LONRF1: variants seen among roughly 807,000 people sequenced by gnomAD.
The protein encoded by LONRF1 is LON peptidase N-terminal domain and RING finger protein 1.
Under a neutral mutation model 85.8 loss-of-function variants are expected in LONRF1, and 37 were observed. The ratio of observed to expected loss-of-function variants is 0.43; its 90% CI spans 0.33 to 0.57. The LOEUF is 0.57. Among genes scored for constraint, LONRF1 ranks in the 20% least tolerant of loss-of-function variants. The pLI is 0.04. For missense variants in LONRF1, 1,036 were observed against 978.0 expected (o/e 1.06, Z -0.79); for synonymous variants, 517 against 390.1 (o/e 1.33, Z -3.83).
Position 12,755,410 on chromosome 8 carries a change from G to C in LONRF1, c.11C>G (p.Pro4Arg). 2 of 1,158,710 alleles carry C rather than the reference G, an allele frequency of 1.7e-6. No homozygotes were observed. The highest frequency in any genetic ancestry group is 2.1e-6 in the Non-Finnish European group (2 of 941,510). The allele number at this position is 1,158,710 out of a possible 1,614,324, so 71.8% of individuals were successfully genotyped here. A position where few individuals can be genotyped will look rare whatever the true frequency, so the allele number is the denominator to read the frequency against. The change falls in exon 1 of 12, where the codon CCG becomes CGG. Residue 4 changes from proline (P) to arginine (R), a missense_variant. Transcript: ENST00000398246. MSS[P>R]AVARTSPGGS... ...TCCTGGGGAGGTCCTCGCCACCGCC[G>C]GAGAGGACATGGCCCGCGGAGGGCT...
rs747870534 is a variant in LONRF1, at chr8:12,743,249, G to A, written c.755C>T (p.Ala252Val). Residue 252 changes from alanine (A) to valine (V), a missense_variant, in exon 2 of 12, where the codon GCG becomes GTG. By Grantham distance (64) the Ala-to-Val change is moderately conservative. Transcript: ENST00000398246. Reference protein sequence around the residue: ...PSDLIVKIYRAESYAGLQEFK... With the variant: ...PSDLIVKIYRVESYAGLQEFK... ...CTCTTGGAGACCAGCATATGATTCC[G>A]CTCTGTAAATTTTTACAATCAAGTC... is the stretch of plus-strand genomic sequence containing the variant. 2.5e-6 allele frequency: 4 copies of A among 1,610,894 alleles called. No homozygotes were observed. Among genetic ancestry groups the A allele is most frequent in the African/African-American group, 1.3e-5 (1 of 74,906 alleles).
intron 6 of LONRF1, chr8:12,735,754 A>T (rs1441268769): frequency 6.0e-6 from 1 of 168,006 alleles, no homozygotes; most frequent in Non-Finnish European, 1.3e-5. Flanking sequence ...ACTTTCTGCA[A>T]AATAAATAAT....
At chr8:12,740,417 C>T (rs530391683) in intron 3 of LONRF1, among the ~76,000 whole-genome samples, 2 of 152,184 alleles carry the variant, frequency 1.3e-5, no homozygotes, top group East Asian at 1.9e-4. Flanking sequence ...ATTACTAACA[C>T]ACCACAAATA....
At chr8:12,735,679 C>T (rs1798691359) in intron 6 of LONRF1, 2 of 298,860 alleles carry the variant, frequency 6.7e-6, no homozygotes, top group Non-Finnish European at 1.2e-5. Context: ...CTACTAATCA[C>T]TTGAAATGTG....
chr8:12,737,879 TA>T, intron 4 of LONRF1, 115 bp downstream of exon 4: 1 of 1,031,926 alleles, frequency 9.7e-7, no homozygotes, highest in Non-Finnish European at 1.4e-6. Context: ...CTATGATAAC[TA>T]ACCAGGTTAA....
intron 1 of LONRF1, among the ~76,000 whole-genome samples, chr8:12,750,313 G>A (rs1018576771): frequency 6.6e-6 from 1 of 152,206 alleles, no homozygotes; most frequent in South Asian, 2.1e-4. Flanking sequence ...AAATAAGTTA[G>A]CAAGAGCCTC....
intron 2 of LONRF1, among the ~76,000 whole-genome samples, chr8:12,742,097 C>T (rs369013183): frequency 1.2e-4 from 19 of 152,212 alleles, no homozygotes; most frequent in African/African-American, 3.9e-4. Flanking sequence ...TACATCACTT[C>T]TGTGGCAAAT....
chr8:12,755,376 C>A lies in LONRF1; in HGVS notation c.45G>T (p.Arg15=), dbSNP rs1799602265. Residue 15 remains arginine, a synonymous_variant, in exon 1 of 12, where the codon CGG becomes CGT. Coordinates refer to ENST00000398246, the MANE Select transcript of LONRF1 (RefSeq NM_152271.5). Reference sequence around the variant, plus strand: ...GGCCCTGCGGCGCTGGGGCCATCTCCCGACTCCCTCCTGGGGAGGTCCTCG... The same window carrying A: ...GGCCCTGCGGCGCTGGGGCCATCTCACGACTCCCTCCTGGGGAGGTCCTCG... ...AVARTSPGGS[R]EMAPAPQGRG... 3.3e-6 allele frequency: 4 copies of A among 1,202,632 alleles called. No individual in the cohort carries two copies. The highest frequency in any genetic ancestry group is 4.1e-6 in the Non-Finnish European group (4 of 968,024). 74.5% of individuals were successfully genotyped at this position (1,202,632 alleles called of 1,614,324 possible). A position where few individuals can be genotyped will look rare whatever the true frequency, so the allele number is the denominator to read the frequency against.
At chr8:12,753,072 T>C (rs1027191067) in intron 1 of LONRF1, 4 of 152,228 alleles carry the variant, frequency 2.6e-5, no homozygotes, top group African/African-American at 9.6e-5. Flanking sequence ...CAGTTTCTCT[T>C]CTCTTTATTC....
chr8:12,726,476 G>C (rs1320416562), intron 10 of LONRF1, among the ~76,000 whole-genome samples: 1 of 152,290 alleles, frequency 6.6e-6, no homozygotes, highest in Non-Finnish European at 1.5e-5. Context: ...CAAGGCCCAA[G>C]GCTATGGCTA....
At chr8:12,740,354 T>A (rs1216443725) in intron 3 of LONRF1, among the ~76,000 whole-genome samples, 1 of 152,150 alleles carries the variant, frequency 6.6e-6, no homozygotes, top group Non-Finnish European at 1.5e-5. Context: ...CTTCCCAAAG[T>A]CACTTCATCA....
intron 4 of LONRF1, among the ~76,000 whole-genome samples, chr8:12,737,577 A>C (rs1208318865): frequency 6.6e-6 from 1 of 152,110 alleles, no homozygotes; most frequent in Admixed American, 6.6e-5. Context: ...GGACTTGAGC[A>C]TCCTTGGATT....
intron 8 of LONRF1, among the ~76,000 whole-genome samples, chr8:12,730,144 T>C (rs1007705115): frequency 1.3e-5 from 2 of 152,206 alleles, no homozygotes; most frequent in Non-Finnish European, 2.9e-5. Context: ...AAGAGGAGAC[T>C]AGTAAGATCA....
intron 1 of LONRF1, chr8:12,754,078 G>A (rs1266786746): frequency 2.0e-5 from 3 of 152,178 alleles, no homozygotes; most frequent in Admixed American, 6.5e-5. Flanking sequence ...GCCTCCCGGG[G>A]CCGGGCGCCC....
In LONRF1 at chr8:12,754,726, G is replaced by C. The variant is rs1478612647; in HGVS notation, c.695C>G (p.Ala232Gly). 25 of 1,413,106 alleles carry C rather than the reference G, an allele frequency of 1.8e-5. No individual in the cohort carries two copies. Among genetic ancestry groups the C allele is most frequent in the Non-Finnish European group, 6.4e-6 (7 of 1,092,822 alleles). 87.5% of individuals were successfully genotyped at this position (1,413,106 alleles called of 1,614,324 possible). Residue 232 changes from alanine to glycine, a missense_variant, in exon 1 of 12, where the codon GCC becomes GGC. Ala to Gly is a moderately conservative substitution (Grantham distance 60). Around this residue, in one of 3 missense-constraint regions of LONRF1, gnomAD observed 742 missense variants for 614.4 expected, o/e 1.21. Coordinates refer to ENST00000398246, the MANE Select transcript of LONRF1 (RefSeq NM_152271.5). ...LHQGRYREAL[A>G]AACEALRAEP... ...TGCTCGCAGCGCCTCGCAGGCGGCG[G>C]CCAGGGCCTCCCGGTAGCGCCCCTG...
At chr8:12,724,901 G>T (rs1044202521) in intron 11 of LONRF1, among the ~76,000 whole-genome samples, 1 of 152,172 alleles carries the variant, frequency 6.6e-6, no homozygotes, top group African/African-American at 2.4e-5. Context: ...GACAAATGTA[G>T]ACCAACCCTT....
In LONRF1 at chr8:12,722,470, T is replaced by A. The variant is rs1403078147; in HGVS notation, c.*626A>T. ...TGCATCCAATGCCTGTCGGCCACTG[T>A]GATGCAAGTATTTACATAAATAAGA... On this transcript the variant is annotated 3_prime_UTR_variant, in exon 12 of 12. Coordinates refer to ENST00000398246, the MANE Select transcript of LONRF1 (RefSeq NM_152271.5). 1 of 152,676 alleles carries A rather than the reference T, an allele frequency of 6.5e-6. No homozygotes were observed. The highest frequency in any genetic ancestry group is 1.9e-4 in the East Asian group (1 of 5,194). 9.5% of individuals were successfully genotyped at this position (152,676 alleles called of 1,614,324 possible). A position where few individuals can be genotyped will look rare whatever the true frequency, so the allele number is the denominator to read the frequency against.
chr8:12,739,415 G>A (rs1229446809), intron 3 of LONRF1, among the ~76,000 whole-genome samples: 1 of 149,512 alleles, frequency 6.7e-6, no homozygotes, highest in Non-Finnish European at 1.5e-5. Context: ...TGAAGTTCTA[G>A]AATAAGTAAC....
At chr8:12,752,275 G>C (rs546370631) in intron 1 of LONRF1, among the ~76,000 whole-genome samples, 5 of 152,272 alleles carry the variant, frequency 3.3e-5, no homozygotes, top group African/African-American at 1.2e-4. Flanking sequence ...TAAAGCCTAA[G>C]GATTGTACAA....
Sources: allele counts gnomAD v4.1 joint callset (sites outside exome capture counted in the v4.1 genomes callset), GRCh38; gene constraint gnomAD v4.1.1; regional missense constraint gnomAD v4.1.1; transcripts MANE v1.5; gene names NCBI Gene and HGNC (gene_info 2026-07-23, HGNC 2026-07-21).